The following SFMBT2 variants were observed in gnomAD, a reference collection of about 807,000 sequenced individuals.
SFMBT2 encodes the protein scm-like with four MBT domains protein 2.
SFMBT2 carries 38 observed loss-of-function variants against 110.1 expected under a neutral mutation model. That is an observed-to-expected ratio of 0.35 (90% CI 0.27 to 0.45). The LOEUF is 0.45. Among genes scored for constraint, SFMBT2 ranks in the 20% least tolerant of loss-of-function variants. The probability of loss-of-function intolerance (pLI) is 1.00; values close to 1 mark genes in which losing one functional copy is unlikely to be tolerated. For synonymous variants in SFMBT2, 425 were observed against 425.4 expected, an observed-to-expected ratio of 1.00 and a Z score of 0.01; for missense variants, 1,011 against 1,094.9, an observed-to-expected ratio of 0.92 and a Z score of 1.08.
Position 7,171,794 on chromosome 10 carries a change from G to C in SFMBT2, c.2415+101C>G. 8.3e-7 allele frequency: 1 copy of C among 1,201,830 alleles called. No homozygotes were observed. The highest frequency in any genetic ancestry group is 1.1e-6 in the Non-Finnish European group (1 of 929,460). The allele number at this position is 1,201,830 out of a possible 1,614,324, so 74.4% of individuals were successfully genotyped here. A position where few individuals can be genotyped will look rare whatever the true frequency, so the allele number is the denominator to read the frequency against. On this transcript the variant is annotated intron_variant, in intron 19 of 20. Coordinates refer to ENST00000397167, the MANE Select transcript of SFMBT2 (RefSeq NM_001387889.1). This position sits in a 1 kb window ranked among gnomAD's most constrained non-coding sequence, Gnocchi z 4.9. ...AGCTAGAGCAGCTGCTGCTGTTGGA[G>C]GTATTTTAAACAGGTTTCCCCACAT...
In SFMBT2 at chr10:7,159,800, G is replaced by A. The variant is rs1213685699; in HGVS notation, c.*3970C>T. 1 of 152,126 alleles carries A rather than the reference G, an allele frequency of 6.6e-6. No homozygotes were observed. Among genetic ancestry groups the A allele is most frequent in the Non-Finnish European group, 1.5e-5 (1 of 68,028 alleles). 9.4% of individuals were successfully genotyped at this position (152,126 alleles called of 1,614,324 possible). On this transcript the variant is annotated 3_prime_UTR_variant, in exon 21 of 21. Transcript: ENST00000397167. The stretch of plus-strand genomic sequence containing the variant: ...TATACAGAAATAAATATAAATGGGT[G>A]TTCTATAAAATAAGTATGAAAACCC...
chr10:7,232,225 A>G (rs1840125160), intron 9 of SFMBT2, among the ~76,000 whole-genome samples: 1 of 152,196 alleles, frequency 6.6e-6, no homozygotes, highest in Non-Finnish European at 1.5e-5. Context: ...ATACAAACTA[A>G]TTGACATAAA....
At chr10:7,341,782 AT>A (rs1843912479) in intron 4 of SFMBT2, among the ~76,000 whole-genome samples, 1 of 152,246 alleles carries the variant, frequency 6.6e-6, no homozygotes, top group South Asian at 2.1e-4. Flanking sequence ...GGTAATATTG[AT>A]TAAACAAGGA....
At chr10:7,351,528 T>A (rs1314801690) in intron 4 of SFMBT2, among the ~76,000 whole-genome samples, 1 of 152,220 alleles carries the variant, frequency 6.6e-6, no homozygotes, top group Non-Finnish European at 1.5e-5. Flanking sequence ...TAGCCCAGGT[T>A]CGCACGTTTA....
intron 2 of SFMBT2, chr10:7,370,849 A>G: frequency 4.1e-6 from 4 of 973,610 alleles, no homozygotes; most frequent in Non-Finnish European, 4.9e-6. Flanking sequence ...TAAGGGGAAA[A>G]AGAGAAAATG....
intron 9 of SFMBT2, among the ~76,000 whole-genome samples, chr10:7,242,083 AG>A (rs372474661): frequency 1.3e-5 from 2 of 152,234 alleles, no homozygotes; most frequent in African/African-American, 4.8e-5. Flanking sequence ...GATGGCCCAC[AG>A]GGTGTTCAAA....
At chr10:7,268,266 G>A (rs534445184) in intron 7 of SFMBT2, among the ~76,000 whole-genome samples, 36 of 152,204 alleles carry the variant, frequency 2.4e-4, no homozygotes, top group Non-Finnish European at 4.4e-4. Flanking sequence ...GAAAACTGAG[G>A]CAACAAAGAC....
At chr10:7,396,538 T>C (rs11255110) in intron 1 of SFMBT2, among the ~76,000 whole-genome samples, 3,905 of 152,228 alleles carry the variant, frequency 0.026, 90 homozygotes, top group Non-Finnish European at 0.038. Flanking sequence ...CCTCTTAAAT[T>C]CAAAGCAATA....
At chr10:7,276,605 T>C (rs762398989) in intron 7 of SFMBT2, among the ~76,000 whole-genome samples, 2 of 152,202 alleles carry the variant, frequency 1.3e-5, no homozygotes, top group Non-Finnish European at 2.9e-5. Flanking sequence ...CTCAGCTCAC[T>C]GTAACTTCTG....
rs115357652 is a variant in SFMBT2, at chr10:7,381,218, T to C, written c.100+581A>G. Among the ~76,000 whole-genome samples the C allele has an allele frequency of 5.5e-3, 836 of 152,298 alleles. 10 individuals carry two copies. The highest frequency in any genetic ancestry group is 0.019 in the African/African-American group (776 of 41,566). ...TCACCACCAATCCGCATGACCTCAC[T>C]TCCTTCCACACTGTATGCTTTTCTG... On this transcript the variant is annotated intron_variant, in intron 2 of 20. Coordinates refer to ENST00000397167, the MANE Select transcript of SFMBT2 (RefSeq NM_001387889.1).
chr10:7,321,529 G>A (rs768236965), intron 4 of SFMBT2, among the ~76,000 whole-genome samples: 12 of 152,140 alleles, frequency 7.9e-5, no homozygotes, highest in Non-Finnish European at 1.5e-4. Flanking sequence ...GTGATTCAGG[G>A]TAAAATAACG....
chr10:7,167,974 A>G (rs2692757), intron 20 of SFMBT2, among the ~76,000 whole-genome samples: 28,767 of 152,000 alleles, frequency 0.19, 3,537 homozygotes, highest in African/African-American at 0.35. Flanking sequence ...AGGCTGAGGC[A>G]GGAGAATCGC....
chr10:7,216,912 C>T (rs1420702838), intron 11 of SFMBT2, among the ~76,000 whole-genome samples: 2 of 152,218 alleles, frequency 1.3e-5, no homozygotes, highest in Non-Finnish European at 2.9e-5. Flanking sequence ...CCTCTATCAA[C>T]TAACTCTTCA....
At chr10:7,241,066 G>T (rs2131712053) in intron 9 of SFMBT2, 1 of 152,338 alleles carries the variant, frequency 6.6e-6, no homozygotes, top group South Asian at 2.1e-4. Flanking sequence ...TCTCCTAACA[G>T]TGAATAAGTC....
intron 4 of SFMBT2, among the ~76,000 whole-genome samples, chr10:7,342,502 G>A (rs1468235999): frequency 5.8e-5 from 8 of 137,420 alleles, no homozygotes; most frequent in African/African-American, 1.3e-4. Flanking sequence ...TCCGCCTCCC[G>A]GGTTCATGCC....
Position 7,298,237 on chromosome 10 carries a change from CTG to C in SFMBT2, c.437-12285_437-12284del, listed in dbSNP as rs201755927. Among the ~76,000 whole-genome samples, 104 of 152,358 alleles carry C rather than the reference CTG, an allele frequency of 6.8e-4. 2 individuals carry two copies. In the East Asian group the frequency reaches 0.018, roughly 27 times the overall value. On this transcript the variant is annotated intron_variant, in intron 4 of 20. Coordinates refer to ENST00000397167, the MANE Select transcript of SFMBT2 (RefSeq NM_001387889.1). ...GGAGCAGAAGAATGGTCAACACACT[CTG>C]TACTTGCAGCTTCTCCTTCGAGTCT... is the stretch of plus-strand genomic sequence containing the variant.
intron 1 of SFMBT2, among the ~76,000 whole-genome samples, chr10:7,410,053 A>C (rs1289766740): frequency 2.0e-5 from 3 of 152,156 alleles, no homozygotes. Context: ...ATACACACAC[A>C]TACACATACC....
Position 7,200,444 on chromosome 10 carries a change from G to A in SFMBT2, c.1528C>T (p.Leu510Phe). The A allele has an allele frequency of 2.5e-6, 4 of 1,601,160 alleles. No homozygotes were observed. Among genetic ancestry groups the A allele is most frequent in the Non-Finnish European group, 3.4e-6 (4 of 1,173,372 alleles). Residue 510 changes from leucine (L) to phenylalanine (F), a missense_variant, in exon 14 of 21, where the codon CTT becomes TTT. Leu to Phe is a conservative substitution (Grantham distance 22). Transcript: ENST00000397167. ...GTGTCCAGGTGAGGGAATAAACAAA[G>A]GTCATGAGGTATTTTCTTAACAGGC... ...TVPVKKIPHD[L>F]CLFPHLDTTG...
chr10:7,213,781 G>A (rs543690922), intron 11 of SFMBT2, among the ~76,000 whole-genome samples: 3 of 150,758 alleles, frequency 2.0e-5, no homozygotes, highest in East Asian at 4.0e-4. Context: ...TCAGATCCGT[G>A]TGCGAGGCCA....
Sources: gnomAD v4.1 joint callset for allele counts (sites outside exome capture counted in the v4.1 genomes callset) on GRCh38, gnomAD v4.1.1 for gene constraint, Gnocchi (gnomAD v3.1) non-coding constraint, MANE v1.5 for transcripts, NCBI Gene and HGNC (gene_info 2026-07-23, HGNC 2026-07-21) for gene names.